Variants in SURF1 observed in about 807,000 individuals in gnomAD.
SURF1 encodes SURF1 cytochrome c oxidase assembly factor, also known as surfeit locus protein 1.
SURF1 carries 45 observed loss-of-function variants against 34.1 expected under a neutral mutation model. The ratio of observed to expected loss-of-function variants is 1.32; its 90% CI spans 1.04 to 1.69. SURF1 has a LOEUF of 1.69. Among genes scored for constraint, SURF1 ranks in the 40% most tolerant of loss-of-function variants. The probability of loss-of-function intolerance (pLI) is 0.00; values close to 1 mark genes in which losing one functional copy is unlikely to be tolerated. For synonymous variants in SURF1, 188 were observed against 147.5 expected (o/e 1.27, Z -1.99); for missense variants, 456 against 384.6 (o/e 1.19, Z -1.55).
At chr9:133,352,813 A>G in intron 5 of SURF1, 47 bp from the exon 6 acceptor site, 1 of 1,570,786 alleles carries the variant, frequency 6.4e-7, no homozygotes, top group Non-Finnish European at 8.7e-7. Context: ...TTTTTGACTA[A>G]AGACAGTCAC....
rs2130018005 is a variant in SURF1, at chr9:133,354,710, A to G, written c.272T>C (p.Ile91Thr). The stretch of plus-strand genomic sequence containing the variant: ...CAGAACTCTGGACTCCAACTCTGCA[A>G]TCAGGTTCAGCTTCCACTTCCGACG... Reference protein sequence around the residue: ...VQRRKWKLNLIAELESRVLAE... With the variant: ...VQRRKWKLNLTAELESRVLAE... The change falls in exon 4 of 9, where the codon ATT becomes ACT. Residue 91 changes from isoleucine (I) to threonine (T), a missense_variant. Physicochemically the swap from Ile to Thr is moderately conservative, Grantham distance 89. Coordinates refer to ENST00000371974, the MANE Select transcript of SURF1 (RefSeq NM_003172.4). The G allele has an allele frequency of 1.2e-6, 2 of 1,613,606 alleles. No individual in the cohort carries two copies. Among genetic ancestry groups the G allele is most frequent in the East Asian group, 2.2e-5 (1 of 44,866 alleles).
chr9:133,355,684 C>A (rs1409037354), intron 2 of SURF1, among the ~76,000 whole-genome samples: 3 of 152,186 alleles, frequency 2.0e-5, no homozygotes, highest in African/African-American at 4.8e-5. Context: ...TCACAGAGCT[C>A]TCTTAACAGC....
intron 4 of SURF1, chr9:133,354,349 C>T: frequency 5.9e-6 from 3 of 508,624 alleles, no homozygotes; most frequent in Non-Finnish European, 1.1e-5. Flanking sequence ...GTGAGACCTA[C>T]ATTATCTGTC....
At chr9:133,355,020 C>T (rs1438327387) in intron 2 of SURF1, 63 bp from the exon 3 acceptor site, 11 of 1,603,232 alleles carry the variant, frequency 6.9e-6, no homozygotes, top group East Asian at 4.5e-5. Flanking sequence ...TGGAGCAGCC[C>T]GTTCCAAGAC....
At chr9:133,353,568 T>C (rs1836490525) in intron 5 of SURF1, among the ~76,000 whole-genome samples, 181 bp downstream of exon 5, 1 of 152,250 alleles carries the variant, frequency 6.6e-6, no homozygotes, top group Non-Finnish European at 1.5e-5. Flanking sequence ...ATGAGCTGGC[T>C]GAGAAGATTA....
intron 2 of SURF1, among the ~76,000 whole-genome samples, 186 bp from the exon 3 acceptor site, chr9:133,355,143 AAGTG>A (rs1451491770): frequency 6.6e-6 from 1 of 152,206 alleles, no homozygotes; most frequent in African/African-American, 2.4e-5. Context: ...TACGTCTGCC[AAGTG>A]AGTAAGTGGG....
Position 133,354,805 on chromosome 9 carries a change from ACCAGAT to A in SURF1, c.240+13_240+18del. ...AGGTCAAGGGCCCAGAGTTACGCAC[ACCAGAT>A]GCCGGTCTTTACCTGCCATGTCCCC... On this transcript the variant is annotated intron_variant, in intron 3 of 8. Coordinates refer to ENST00000371974, the MANE Select transcript of SURF1 (RefSeq NM_003172.4). 1 of 1,613,610 alleles carries A rather than the reference ACCAGAT, an allele frequency of 6.2e-7. No individual in the cohort carries two copies. Among genetic ancestry groups the A allele is most frequent in the East Asian group, 2.2e-5 (1 of 44,884 alleles).
chr9:133,354,131 A>G (rs1224523261), intron 4 of SURF1, 191 bp from the exon 5 acceptor site: 1 of 688,048 alleles, frequency 1.5e-6, no homozygotes, highest in African/African-American at 1.8e-5. Context: ...TTTACAAGAG[A>G]GGCTAAAAAT....
Position 133,351,796 on chromosome 9 carries a change from G to C in SURF1, c.*117C>G. ...CAAGCCAGGATTTTATGATGAACCAGTCATGAGCTCATTTAAGGTAGAAGG... is the reference window on the plus strand; with the variant it reads ...CAAGCCAGGATTTTATGATGAACCACTCATGAGCTCATTTAAGGTAGAAGG... On this transcript the variant is annotated 3_prime_UTR_variant, in exon 9 of 9. Transcript: ENST00000371974. The C allele has an allele frequency of 8.5e-7, 1 of 1,176,780 alleles. No individual in the cohort carries two copies. Among genetic ancestry groups the C allele is most frequent in the Non-Finnish European group, 1.2e-6 (1 of 809,778 alleles). 72.9% of individuals were successfully genotyped at this position (1,176,780 alleles called of 1,614,324 possible). A position where few individuals can be genotyped will look rare whatever the true frequency, so the allele number is the denominator to read the frequency against.
chr9:133,355,549 G>C (rs1836552707), intron 2 of SURF1, among the ~76,000 whole-genome samples: 1 of 152,188 alleles, frequency 6.6e-6, no homozygotes, highest in South Asian at 2.1e-4. Context: ...CTGCACTCCA[G>C]CCTGGGCAAC....
Position 133,353,912 on chromosome 9 carries a change from T to C in SURF1, c.352A>G (p.Arg118Gly), listed in dbSNP as rs201492662. 12 of 1,613,792 alleles carry C rather than the reference T, an allele frequency of 7.4e-6. No individual in the cohort carries two copies. Among genetic ancestry groups the C allele is most frequent in the East Asian group, 4.5e-5 (2 of 44,896 alleles). The change falls in exon 5 of 9, where the codon AGG (arginine) becomes GGG (glycine). Residue 118 changes from arginine to glycine, a missense_variant. Coordinates refer to ENST00000371974, the MANE Select transcript of SURF1 (RefSeq NM_003172.4). ...DPMELKNLEY[R>G]PVKVRGCFDH... is the part of the protein sequence containing the mutation. ...AAGCACCCCCTGACCTTCACTGGCC[T>C]ATACTCCAGATTTTTCAGTTCCATT...
Position 133,351,882 on chromosome 9 carries a change from A to G in SURF1, c.*31T>C. ...AAAGGCAGTCTTGAAATACTGCATT[A>G]TCCAGGGACAGGGCTTCAGCAGCTG... On this transcript the variant is annotated 3_prime_UTR_variant, in exon 9 of 9. Transcript: ENST00000371974. The G allele has an allele frequency of 6.2e-7, 1 of 1,608,308 alleles. No individual in the cohort carries two copies. The highest frequency in any genetic ancestry group is 8.5e-7 in the Non-Finnish European group (1 of 1,176,714).
Position 133,356,419 on chromosome 9 carries a change from C to G in SURF1, c.35G>C (p.Arg12Pro). 1 of 1,386,222 alleles carries G rather than the reference C, an allele frequency of 7.2e-7. No homozygotes were observed. Among genetic ancestry groups the G allele is most frequent in the Non-Finnish European group, 9.3e-7 (1 of 1,072,906 alleles). The allele number at this position is 1,386,222 out of a possible 1,614,324, so 85.9% of individuals were successfully genotyped here. Reference sequence around the variant, plus strand: ...GCTCACCCGTCCCAGCCCCGCCGCCCGCAGCCCCAGCTGCAACGCAGCCAC... The same window carrying G: ...GCTCACCCGTCCCAGCCCCGCCGCCGGCAGCCCCAGCTGCAACGCAGCCAC... ...AAVAALQLGLRAAGLGRAPAS... is the reference protein window; with the variant it reads ...AAVAALQLGLPAAGLGRAPAS... The change falls in exon 1 of 9, where the codon CGG (arginine) becomes CCG (proline). Residue 12 changes from arginine (R) to proline (P), a missense_variant. Arg to Pro is a moderately radical substitution (Grantham distance 103, BLOSUM62 -2). Transcript: ENST00000371974.
chr9:133,356,080 C>T lies in SURF1; in HGVS notation c.106+189G>A, dbSNP rs891592432. ...TCGCGTTGTGAGGACAAAGCGCTCG[C>T]TACATGCCCGGCACACGACCACAAT... is the stretch of plus-strand genomic sequence containing the variant. On this transcript the variant is annotated intron_variant, in intron 2 of 8. Transcript: ENST00000371974. The T allele has an allele frequency of 5.0e-6, 4 of 792,624 alleles. No individual in the cohort carries two copies. In the African/African-American group the frequency reaches 7.0e-5, roughly 14 times the overall value. 49.1% of individuals were successfully genotyped at this position (792,624 alleles called of 1,614,324 possible).
Position 133,352,079 on chromosome 9 carries a change from A to G in SURF1, c.815T>C (p.Leu272Pro), listed in dbSNP as rs1836430752. 6.2e-7 allele frequency: 1 copy of G among 1,611,532 alleles called. No homozygotes were observed. Among genetic ancestry groups the G allele is most frequent in the Non-Finnish European group, 8.5e-7 (1 of 1,178,832 alleles). ...QTRVTLRNEH[L>P]QYIVTWYGLS... ...GACTCACCAGGTCACGATGTACTGC[A>G]GATGCTCGTTCCTCAGAGTAACTCT... The change falls in exon 8 of 9, where the codon CTG becomes CCG. Residue 272 changes from leucine to proline, a missense_variant. Coordinates refer to ENST00000371974, the MANE Select transcript of SURF1 (RefSeq NM_003172.4).
At chr9:133,352,788 T>G in intron 5 of SURF1, 22 bp from the exon 6 acceptor site, 2 of 1,602,518 alleles carry the variant, frequency 1.2e-6, no homozygotes, top group Non-Finnish European at 8.5e-7. Flanking sequence ...AAAGTGCTAC[T>G]TCAGGTGGGG....
At chr9:133,353,573 A>G (rs746110332) in intron 5 of SURF1, among the ~76,000 whole-genome samples, 176 bp downstream of exon 5, 6 of 152,264 alleles carry the variant, frequency 3.9e-5, no homozygotes, top group Non-Finnish European at 7.3e-5. Context: ...CTGGCTGAGA[A>G]GATTAAGTCA....
chr9:133,356,479 G>C lies in SURF1; in HGVS notation c.-26C>G. The C allele has an allele frequency of 7.0e-7, 1 of 1,425,690 alleles. No individual in the cohort carries two copies. Among genetic ancestry groups the C allele is most frequent in the Non-Finnish European group, 9.1e-7 (1 of 1,093,096 alleles). 88.3% of individuals were successfully genotyped at this position (1,425,690 alleles called of 1,614,324 possible). Reference sequence around the variant, plus strand: ...CGCACCCGGCCCCGCGGGCGCTTCCGGGACGCAGGAAGCATCTGCATCCGG... The same window carrying C: ...CGCACCCGGCCCCGCGGGCGCTTCCCGGACGCAGGAAGCATCTGCATCCGG... On this transcript the variant is annotated 5_prime_UTR_variant, in exon 1 of 9. Coordinates refer to ENST00000371974, the MANE Select transcript of SURF1 (RefSeq NM_003172.4).
chr9:133,354,731 C>T lies in SURF1; in HGVS notation c.251G>A (p.Arg84Gln), dbSNP rs2130018100. ...FGLGTWQVQRRKWKLNLIAEL... is the reference protein window; with the variant it reads ...FGLGTWQVQRQKWKLNLIAEL... ...TGCAATCAGGTTCAGCTTCCACTTCCGACGCTGGACCTACAGTGACAGAGC... is the reference window on the plus strand; with the variant it reads ...TGCAATCAGGTTCAGCTTCCACTTCTGACGCTGGACCTACAGTGACAGAGC... Residue 84 changes from arginine (R) to glutamine (Q), a missense_variant, in exon 4 of 9, where the codon CGG becomes CAG. Coordinates refer to ENST00000371974, the MANE Select transcript of SURF1 (RefSeq NM_003172.4). 9.3e-6 allele frequency: 15 copies of T among 1,613,534 alleles called. No individual in the cohort carries two copies. The highest frequency in any genetic ancestry group is 1.6e-4 in the Middle Eastern group (1 of 6,078).
Sources: allele counts gnomAD v4.1 joint callset (sites outside exome capture counted in the v4.1 genomes callset), GRCh38; gene constraint gnomAD v4.1.1; transcripts MANE v1.5; gene names NCBI Gene and HGNC (gene_info 2026-07-23, HGNC 2026-07-21).